SKAP1: variants seen among roughly 807,000 people sequenced by gnomAD.
SKAP1 encodes the protein src kinase-associated phosphoprotein 1.
In SKAP1, 44 loss-of-function variants were observed where a neutral mutation model predicts 58.5. The ratio of observed to expected loss-of-function variants is 0.75; its 90% CI spans 0.59 to 0.97. SKAP1 has a LOEUF of 0.97. Ranked by LOEUF, SKAP1 falls within the 50% of genes least tolerant of loss-of-function variation. The pLI is 0.00. For synonymous variants in SKAP1, 127 were observed against 149.7 expected, an observed-to-expected ratio of 0.85 and a Z score of 1.11; for missense variants, 390 against 435.2, an observed-to-expected ratio of 0.90 and a Z score of 0.92.
chr17:48,329,644 T>G (rs745598739), intron 4 of SKAP1, among the ~76,000 whole-genome samples: 14 of 152,152 alleles, frequency 9.2e-5, no homozygotes, highest in Middle Eastern at 6.8e-3. Context: ...GAGGCGGAGG[T>G]TGCAGTGAGC....
At chr17:48,320,238 GTATT>G (rs1367016268) in intron 4 of SKAP1, among the ~76,000 whole-genome samples, 1 of 152,174 alleles carries the variant, frequency 6.6e-6, no homozygotes, top group East Asian at 1.9e-4. Flanking sequence ...TCAGCCTTAA[GTATT>G]AATTAAGTGA....
At chr17:48,160,194 G>A (rs114893027) in intron 11 of SKAP1, among the ~76,000 whole-genome samples, 1 of 152,100 alleles carries the variant, frequency 6.6e-6, no homozygotes, top group Non-Finnish European at 1.5e-5. Context: ...TGGCAATCAT[G>A]GCAAAAATCA....
intron 4 of SKAP1, among the ~76,000 whole-genome samples, chr17:48,289,383 G>A (rs189423480): frequency 1.3e-5 from 2 of 152,048 alleles, no homozygotes; most frequent in East Asian, 3.9e-4. Context: ...AATAAAAGAA[G>A]GGATAAACTG....
intron 4 of SKAP1, among the ~76,000 whole-genome samples, chr17:48,298,956 G>A (rs1053053429): frequency 2.0e-5 from 3 of 152,164 alleles, no homozygotes; most frequent in Non-Finnish European, 2.9e-5. Context: ...TATGGCAGGC[G>A]TGGGGGAAAT....
At chr17:48,258,586 A>G (rs2065451581) in intron 4 of SKAP1, among the ~76,000 whole-genome samples, 1 of 152,100 alleles carries the variant, frequency 6.6e-6, no homozygotes, top group South Asian at 2.1e-4. Context: ...TCTAGATGAG[A>G]TTTTAAAAAA....
intron 4 of SKAP1, among the ~76,000 whole-genome samples, chr17:48,217,802 AT>A (rs2064958316): frequency 6.6e-6 from 1 of 152,190 alleles, no homozygotes; most frequent in Admixed American, 6.5e-5. Context: ...TCAGACCATG[AT>A]TTGAGGTTTG....
At chr17:48,206,251 T>G (rs2064808465) in intron 4 of SKAP1, among the ~76,000 whole-genome samples, 1 of 152,202 alleles carries the variant, frequency 6.6e-6, no homozygotes, top group Admixed American at 6.5e-5. Context: ...TTTTTACATT[T>G]CCTGGTTTAT....
chr17:48,159,446 T>TACTGGACAAAAAAAGCTC (rs2064037875), intron 11 of SKAP1, among the ~76,000 whole-genome samples: 1 of 152,208 alleles, frequency 6.6e-6, no homozygotes, highest in Non-Finnish European at 1.5e-5. Context: ...CAGGCCCTTC[T>TACTGGACAAAAAAAGCTC]TGTCCAACAG....
chr17:48,438,863 C>A, the SKAP1 span, among the ~76,000 whole-genome samples: 1 of 151,912 alleles, frequency 6.6e-6, no homozygotes, highest in Non-Finnish European at 1.5e-5. Context: ...CAGACGGACA[C>A]GACTTGGGGA....
At chr17:48,366,386 A>G (rs2144408726) in intron 2 of SKAP1, among the ~76,000 whole-genome samples, 1 of 151,990 alleles carries the variant, frequency 6.6e-6, no homozygotes, top group South Asian at 2.1e-4. Context: ...AATGTAAGAT[A>G]CTTGGGTTAG....
chr17:48,185,160 T>C (rs541069250), intron 6 of SKAP1: 15 of 248,918 alleles, frequency 6.0e-5, no homozygotes, highest in African/African-American at 3.0e-4. Flanking sequence ...AGAGAGAGTG[T>C]GGCTGTAAAT....
At chr17:48,182,372 T>C (rs2064380946) in intron 8 of SKAP1, 22 bp downstream of exon 8, 9 of 1,547,644 alleles carry the variant, frequency 5.8e-6, no homozygotes, top group African/African-American at 4.1e-5. Flanking sequence ...TCAAGTATTA[T>C]TTCTGTAACA....
chr17:48,346,073 A>G, intron 3 of SKAP1, 67 bp from the exon 4 acceptor site: 1 of 909,808 alleles, frequency 1.1e-6, no homozygotes. Flanking sequence ...ATACATCCTT[A>G]TAAAAGGATC....
rs1478995566 is a variant in SKAP1, at chr17:48,352,172, AG to A, written c.179-6167del. On this transcript the variant is annotated intron_variant, in intron 3 of 12. Coordinates refer to ENST00000336915, the MANE Select transcript of SKAP1 (RefSeq NM_003726.4). ...TTAACCCTTCTTAGGTTTCACATAA[AG>A]GCATAACTCCTGGATGTTAACAAAC... Among the ~76,000 whole-genome samples the A allele has an allele frequency of 3.9e-5, 6 of 152,198 alleles. No homozygotes were observed. The East Asian group carries it at 1.2e-3, about 29-fold the overall frequency.
upstream of SKAP1, among the ~76,000 whole-genome samples, chr17:48,433,392 C>G (rs753354549): frequency 1.3e-5 from 2 of 152,158 alleles, no homozygotes; most frequent in African/African-American, 4.8e-5. Context: ...TTCTGTGTGG[C>G]TGGGTACTAT....
intron 4 of SKAP1, among the ~76,000 whole-genome samples, chr17:48,220,852 C>CAAAAAAAAAAAAAAAAAAAAA (rs56006389): frequency 1.2e-4 from 10 of 83,658 alleles, no homozygotes; most frequent in Admixed American, 1.6e-4. Context: ...GACTCCATCT[C>CAAAAAAAAAAAAAAAAAAAAA]AAAAAAAAAA....
chr17:48,414,621 TTC>T (rs1282634724), intron 1 of SKAP1, among the ~76,000 whole-genome samples: 3 of 152,094 alleles, frequency 2.0e-5, no homozygotes. Flanking sequence ...AAAACGAAAA[TTC>T]TCTCAGCTTC....
chr17:48,384,856 G>A, intron 2 of SKAP1, among the ~76,000 whole-genome samples: 1 of 152,170 alleles, frequency 6.6e-6, no homozygotes, highest in East Asian at 1.9e-4. Flanking sequence ...AACTGCAGCT[G>A]AGCTGTAGAA....
intron 4 of SKAP1, among the ~76,000 whole-genome samples, chr17:48,321,409 G>A (rs897970067): frequency 3.4e-5 from 5 of 148,068 alleles, no homozygotes; most frequent in African/African-American, 1.0e-4. Flanking sequence ...ATAGAGTCTC[G>A]CTCTGTCACC....
Sources: allele counts gnomAD v4.1 joint callset (sites outside exome capture counted in the v4.1 genomes callset), GRCh38; gene constraint gnomAD v4.1.1; transcripts MANE v1.5; gene names NCBI Gene and HGNC (gene_info 2026-07-23, HGNC 2026-07-21).